The following KCNH2 variants were observed in gnomAD, a reference collection of about 807,000 sequenced individuals.
The protein encoded by KCNH2 is voltage-gated inwardly rectifying potassium channel KCNH2.
A neutral mutation model predicts 95.9 loss-of-function variants in KCNH2; 35 were observed. That is an observed-to-expected ratio of 0.37 (90% CI 0.28 to 0.48). The LOEUF is 0.48. Among genes scored for constraint, KCNH2 ranks in the 20% least tolerant of loss-of-function variants. The pLI, the probability that KCNH2 is intolerant of heterozygous loss-of-function variation, is 0.99. For missense variants in KCNH2, 1,274 were observed against 1,702.9 expected (o/e 0.75, Z 4.43); for synonymous variants, 786 against 754.7 (o/e 1.04, Z -0.68).
rs1388717700 is a variant in KCNH2 at position 150,962,621 on chromosome 7, G to A, written c.308-2885C>T. On this transcript the variant is annotated intron_variant, in intron 2 of 14. Transcript: ENST00000262186. The surrounding 1 kb of genome is among the most constrained non-coding windows in gnomAD (Gnocchi z 5.7). Reference sequence around the variant, plus strand: ...GTAACTCACACTTACACACACACACGAGAGACAGAGAGAGAGAGAGAGAGA... The same window carrying A: ...GTAACTCACACTTACACACACACACAAGAGACAGAGAGAGAGAGAGAGAGA... Among the ~76,000 whole-genome samples, 3 of 114,108 alleles carry A rather than the reference G, an allele frequency of 2.6e-5. No homozygotes were observed. The highest frequency in any genetic ancestry group is 3.4e-4 in the East Asian group (1 of 2,908). 74.9% of individuals were successfully genotyped at this position (114,108 alleles called of 152,430 possible).
chr7:150,952,972 C>T lies in KCNH2; in HGVS notation c.1129-119G>A. The T allele has an allele frequency of 1.0e-6, 1 of 973,534 alleles. No individual in the cohort carries two copies. Among genetic ancestry groups the T allele is most frequent in the South Asian group, 1.6e-5 (1 of 64,480 alleles). 60.3% of individuals were successfully genotyped at this position (973,534 alleles called of 1,614,324 possible). On this transcript the variant is annotated intron_variant, in intron 5 of 14. Coordinates refer to ENST00000262186, the MANE Select transcript of KCNH2 (RefSeq NM_000238.4). The surrounding 1 kb of genome is among the most constrained non-coding windows in gnomAD (Gnocchi z 7.3). ...GGAGGAGGCCAAAAAAAGCTTCCAT[C>T]AGAATGCCCACCCCTCAGCCAAGCG...
At chr7:150,968,829 C>A (rs1327429232) in intron 2 of KCNH2, among the ~76,000 whole-genome samples, 1 of 152,104 alleles carries the variant, frequency 6.6e-6, no homozygotes, top group Non-Finnish European at 1.5e-5. Context: ...TGCTGAGGCC[C>A]CGGATCAGGC....
intron 2 of KCNH2, among the ~76,000 whole-genome samples, chr7:150,973,242 T>G (rs191830019): frequency 1.3e-5 from 2 of 152,324 alleles, no homozygotes; most frequent in Admixed American, 1.3e-4. Flanking sequence ...ATGTACAGCA[T>G]ACAGATAGAC....
intron 1 of KCNH2, among the ~76,000 whole-genome samples, chr7:150,976,289 C>G (rs1801978202): frequency 6.6e-6 from 1 of 152,198 alleles, no homozygotes. Flanking sequence ...CTCCTCCCAC[C>G]TTTCTCGATT....
At chr7:150,954,446 A>G (rs931137605) in intron 5 of KCNH2, among the ~76,000 whole-genome samples, 3 of 152,182 alleles carry the variant, frequency 2.0e-5, no homozygotes, top group Non-Finnish European at 4.4e-5. Flanking sequence ...CATGAGCAAC[A>G]CTGCCCCAGG....
In KCNH2 at chr7:150,957,381, G is replaced by C. The variant is rs758083853; in HGVS notation, c.1038C>G (p.Asp346Glu). ...ITLNFVDLKG[D>E]PFLASPTSDR... Reference sequence around the variant, plus strand: ...CACTGGTGGGCGAAGCCAAGAAGGGGTCGCCCTTGAGGTCCACAAAGTTGA... The same window carrying C: ...CACTGGTGGGCGAAGCCAAGAAGGGCTCGCCCTTGAGGTCCACAAAGTTGA... The change falls in exon 5 of 15, where the codon GAC (aspartate) becomes GAG (glutamate). Residue 346 changes from aspartate to glutamate, a missense_variant. Around this residue, in one of 7 missense-constraint regions of KCNH2, gnomAD observed 392 missense variants for 429.9 expected, o/e 0.91. Transcript: ENST00000262186. The C allele has an allele frequency of 1.9e-6, 3 of 1,614,066 alleles. 1 individual carries two copies. Among genetic ancestry groups the C allele is most frequent in the Admixed American group, 3.3e-5 (2 of 60,012 alleles).
intron 2 of KCNH2, among the ~76,000 whole-genome samples, chr7:150,971,788 G>A (rs1283985888): frequency 1.3e-5 from 2 of 152,042 alleles, no homozygotes; most frequent in Non-Finnish European, 2.9e-5. Flanking sequence ...GGCTGGCTGA[G>A]CACGGTGGCA....
At position 150,956,103 on chromosome 7, in the gene KCNH2, C is replaced by T. The variant is rs115922828; in HGVS notation, c.1128+1188G>A. ...AGACTGCTAGTGACTGGCAGGAACACACACGCCTGCCGACACATACAGGCG... is the reference window on the plus strand; with the variant it reads ...AGACTGCTAGTGACTGGCAGGAACATACACGCCTGCCGACACATACAGGCG... On this transcript the variant is annotated intron_variant, in intron 5 of 14. Coordinates refer to ENST00000262186, the MANE Select transcript of KCNH2 (RefSeq NM_000238.4). Among the ~76,000 whole-genome samples the T allele has an allele frequency of 0.011, 1,713 of 152,268 alleles. 35 individuals are homozygous for T. The highest frequency in any genetic ancestry group is 0.04 in the African/African-American group (1,647 of 41,534).
Position 150,950,229 on chromosome 7 carries a change from C to T in KCNH2, c.2337G>A (p.Leu779=). 2 of 1,611,428 alleles carry T rather than the reference C, an allele frequency of 1.2e-6. No homozygotes were observed. The highest frequency in any genetic ancestry group is 2.7e-5 in the African/African-American group (2 of 74,778). The change falls in exon 9 of 15, where the codon CTG becomes CTA. Residue 779 remains leucine, a synonymous_variant. Transcript: ENST00000262186. The part of the protein sequence containing the change: ...LVHAGDLLTA[L]YFISRGSIEI... ...CGATGGAGCCCCGGGAGATGAAGTA[C>T]AGGGCGGTGAGCAGGTCCCCAGCAT...
chr7:150,947,577 C>T (rs1465723732), intron 12 of KCNH2, 29 bp downstream of exon 12: 5 of 1,609,782 alleles, frequency 3.1e-6, no homozygotes, highest in East Asian at 2.2e-5. Flanking sequence ...ACGCCCGGTC[C>T]TCCCTCGCCC....
rs1245640079 is a variant in KCNH2 at position 150,952,310 on chromosome 7, T to TTCTCTCTTTC, written c.1557+114_1557+115insGAAAGAGAGA. 7 of 1,086,956 alleles carry TTCTCTCTTTC rather than the reference T, an allele frequency of 6.4e-6. No homozygotes were observed. The highest frequency in any genetic ancestry group is 6.1e-5 in the Admixed American group (3 of 49,238). The allele number at this position is 1,086,956 out of a possible 1,614,324, so 67.3% of individuals were successfully genotyped here. On this transcript the variant is annotated intron_variant, in intron 6 of 14. Coordinates refer to ENST00000262186, the MANE Select transcript of KCNH2 (RefSeq NM_000238.4). This position sits in a 1 kb window ranked among gnomAD's most constrained non-coding sequence, Gnocchi z 7.3. ...TCTCTCTCCCACTGTCTTTCTCTCT[T>TTCTCTCTTTC]TCTCTCTCTCTCTCTTTTTCTCTGT... is the stretch of plus-strand genomic sequence containing the variant.
chr7:150,949,143 A>G (rs1373582427), intron 9 of KCNH2, 94 bp from the exon 10 acceptor site: 3 of 1,248,372 alleles, frequency 2.4e-6, no homozygotes, highest in Non-Finnish European at 3.4e-6. Context: ...CGGGCAGAGC[A>G]TGTCCCCTCA....
At chr7:150,975,517 A>T (rs890623754) in intron 1 of KCNH2, among the ~76,000 whole-genome samples, 1 of 152,172 alleles carries the variant, frequency 6.6e-6, no homozygotes, top group African/African-American at 2.4e-5. Context: ...CCCCGCCCCA[A>T]GGGCAGTCAG....
chr7:150,955,382 C>G, intron 5 of KCNH2: 1 of 1,552,492 alleles, frequency 6.4e-7, no homozygotes, highest in Non-Finnish European at 8.7e-7. Flanking sequence ...GAGGAAGGAC[C>G]GGGTGTCACC....
chr7:150,963,299 G>A (rs1285948473), intron 2 of KCNH2, among the ~76,000 whole-genome samples: 4 of 152,182 alleles, frequency 2.6e-5, no homozygotes. Context: ...GAGTCAGGTG[G>A]CCTCTGCACA....
chr7:150,958,705 G>A (rs1285020209), intron 3 of KCNH2, among the ~76,000 whole-genome samples: 6 of 152,182 alleles, frequency 3.9e-5, no homozygotes, highest in Admixed American at 6.5e-5. Flanking sequence ...CATATCTGAA[G>A]TGACACTTCA....
intron 5 of KCNH2, chr7:150,955,498 C>T (rs1192198058): frequency 6.5e-7 from 1 of 1,546,842 alleles, no homozygotes; most frequent in Non-Finnish European, 8.7e-7. Flanking sequence ...CGGCTGGGGC[C>T]GCCATGGAGG....
At chr7:150,956,336 G>A (rs187647918) in intron 5 of KCNH2, among the ~76,000 whole-genome samples, 45 of 152,290 alleles carry the variant, frequency 3.0e-4, no homozygotes, top group African/African-American at 6.7e-4. Flanking sequence ...AAAGCCAGGC[G>A]GTGGGAGCAG....
In KCNH2 at chr7:150,961,803, G is replaced by A. The variant is rs73470580; in HGVS notation, c.308-2067C>T. On this transcript the variant is annotated intron_variant, in intron 2 of 14. Transcript: ENST00000262186. This position sits in a 1 kb window ranked among gnomAD's most constrained non-coding sequence, Gnocchi z 6.2. ...TGAGGTCAAGGGGCTGCGTGCTGGG[G>A]AGGCAGGGAGCAGGCCAGGTGGGAA... Among the ~76,000 whole-genome samples, 2,977 of 152,296 alleles carry A rather than the reference G, an allele frequency of 0.02. 89 individuals are homozygous for A. Among genetic ancestry groups the A allele is most frequent in the African/African-American group, 0.067 (2,773 of 41,540 alleles).
Sources: gnomAD v4.1 joint callset for allele counts (sites outside exome capture counted in the v4.1 genomes callset) on GRCh38, gnomAD v4.1.1 for gene constraint, gnomAD v4.1.1 regional missense constraint, Gnocchi (gnomAD v3.1) non-coding constraint, MANE v1.5 for transcripts, NCBI Gene and HGNC (gene_info 2026-07-23, HGNC 2026-07-21) for gene names.